The following LHFPL4 variants were observed in gnomAD, a reference collection of about 807,000 sequenced individuals.
LHFPL4 encodes LHFPL tetraspan subfamily member 4 protein.
A neutral mutation model predicts 20.0 loss-of-function variants in LHFPL4; 6 were observed. The ratio of observed to expected loss-of-function variants is 0.30; its 90% CI spans 0.16 to 0.59. The LOEUF (loss-of-function observed/expected upper bound fraction) is 0.59. Among genes scored for constraint, LHFPL4 ranks in the 20% least tolerant of loss-of-function variants. The pLI is 0.88. For synonymous variants in LHFPL4, 129 were observed against 143.8 expected (o/e 0.90, Z 0.74); for missense variants, 215 against 331.2 (o/e 0.65, Z 2.72).
chr3:9,520,256 C>T (rs187068076), intron 2 of LHFPL4, among the ~76,000 whole-genome samples: 12 of 152,102 alleles, frequency 7.9e-5, no homozygotes, highest in South Asian at 4.1e-4. Flanking sequence ...AGGAATTTGA[C>T]GCAAGACTGG....
chr3:9,505,945 C>T, intron 3 of LHFPL4, 22 bp downstream of exon 3: 1 of 1,608,052 alleles, frequency 6.2e-7, no homozygotes, highest in Non-Finnish European at 8.5e-7. Flanking sequence ...CGCCGCTGCC[C>T]CCCAGCCCAC....
intron 2 of LHFPL4, among the ~76,000 whole-genome samples, chr3:9,519,020 C>A (rs935915619): frequency 2.0e-5 from 3 of 152,030 alleles, no homozygotes; most frequent in Non-Finnish European, 4.4e-5. Context: ...TCACTACAAC[C>A]TCTGCCTCCT....
chr3:9,531,620 G>T (rs535370920), intron 2 of LHFPL4, among the ~76,000 whole-genome samples: 1 of 152,142 alleles, frequency 6.6e-6, no homozygotes, highest in African/African-American at 2.4e-5. Context: ...TGGCCAACGT[G>T]GTGAAACCCC....
Position 9,552,641 on chromosome 3 carries a change from C to G in LHFPL4, c.39G>C (p.Glu13Asp). 6.2e-7 allele frequency: 1 copy of G among 1,613,374 alleles called. No homozygotes were observed. Among genetic ancestry groups the G allele is most frequent in the Non-Finnish European group, 8.5e-7 (1 of 1,179,770 alleles). The change falls in exon 2 of 4, where the codon GAG becomes GAC. Residue 13 changes from glutamate to aspartate, a missense_variant. By Grantham distance (45) the Glu-to-Asp change is conservative. This residue lies in a region of LHFPL4 where 164 missense variants were observed against 286.7 expected (regional missense o/e 0.57). Coordinates refer to ENST00000287585, the MANE Select transcript of LHFPL4 (RefSeq NM_198560.3). ...TGGCCCGCGAGTTCCGCATGTAGTG[C>G]TCGTGGTAGAGCTTGGAGGCCTCCT... ...PSQEASKLYHEHYMRNSRAIG... is the reference protein window; with the variant it reads ...PSQEASKLYHDHYMRNSRAIG...
chr3:9,505,806 G>T (rs1231689512), intron 3 of LHFPL4, among the ~76,000 whole-genome samples, 161 bp downstream of exon 3: 1 of 152,136 alleles, frequency 6.6e-6, no homozygotes, highest in African/African-American at 2.4e-5. Flanking sequence ...CGATCTACCT[G>T]CCTTGGCTTC....
chr3:9,543,633 C>T (rs2125667014), intron 2 of LHFPL4, among the ~76,000 whole-genome samples: 1 of 152,092 alleles, frequency 6.6e-6, no homozygotes, highest in African/African-American at 2.4e-5. Context: ...ATCTAAGCTG[C>T]TCCCAAAGTA....
intron 2 of LHFPL4, among the ~76,000 whole-genome samples, chr3:9,521,578 C>G (rs546764616): frequency 6.6e-6 from 1 of 151,426 alleles, no homozygotes; most frequent in Admixed American, 6.6e-5. Flanking sequence ...TTTTTTTGTA[C>G]TTTTTTAGTA....
chr3:9,516,380 A>G (rs1291588105), intron 2 of LHFPL4, among the ~76,000 whole-genome samples: 1 of 152,050 alleles, frequency 6.6e-6, no homozygotes, highest in Non-Finnish European at 1.5e-5. Flanking sequence ...TTTGTCAAAG[A>G]TCAACTGACT....
chr3:9,547,238 C>T (rs1056327734), intron 2 of LHFPL4, among the ~76,000 whole-genome samples: 5 of 152,216 alleles, frequency 3.3e-5, no homozygotes, highest in African/African-American at 4.8e-5. Flanking sequence ...ACCCTTCTGC[C>T]TCAGCCTTCG....
intron 2 of LHFPL4, among the ~76,000 whole-genome samples, chr3:9,543,701 T>G (rs908705115): frequency 1.3e-4 from 19 of 148,682 alleles, no homozygotes; most frequent in Non-Finnish European, 2.5e-4. Context: ...GACTACGTTT[T>G]GGGGTGATTT....
At chr3:9,525,995 T>C (rs963697639) in intron 2 of LHFPL4, among the ~76,000 whole-genome samples, 4 of 152,032 alleles carry the variant, frequency 2.6e-5, no homozygotes, top group African/African-American at 9.7e-5. Flanking sequence ...CCTTTAGTTT[T>C]AAAAAAAGTA....
At chr3:9,547,953 A>G (rs933274465) in intron 2 of LHFPL4, among the ~76,000 whole-genome samples, 17 of 152,148 alleles carry the variant, frequency 1.1e-4, no homozygotes, top group African/African-American at 4.1e-4. Context: ...CTACAGGCAC[A>G]TGCCATCACA....
chr3:9,544,845 G>A (rs2046501664), intron 2 of LHFPL4, among the ~76,000 whole-genome samples: 1 of 152,000 alleles, frequency 6.6e-6, no homozygotes, highest in South Asian at 2.1e-4. Context: ...CAGCTCAAAT[G>A]TTACCCTTTT....
At chr3:9,546,697 T>C (rs1559524305) in intron 2 of LHFPL4, among the ~76,000 whole-genome samples, 1 of 152,200 alleles carries the variant, frequency 6.6e-6, no homozygotes, top group Non-Finnish European at 1.5e-5. Context: ...AGTTTATGCC[T>C]TCTTAAGCCC....
At chr3:9,510,362 G>A (rs895074067) in intron 2 of LHFPL4, among the ~76,000 whole-genome samples, 17 of 151,180 alleles carry the variant, frequency 1.1e-4, no homozygotes, top group South Asian at 2.1e-4. Flanking sequence ...CGCTTGAGCC[G>A]GAAGATCAAG....
intron 2 of LHFPL4, among the ~76,000 whole-genome samples, chr3:9,543,734 T>TTC (rs1278076281): frequency 6.9e-6 from 1 of 145,934 alleles, no homozygotes; most frequent in Non-Finnish European, 1.5e-5. Context: ...TTTTGGTTTT[T>TTC]TTTTTTTTTT....
Position 9,504,060 on chromosome 3 carries a change from G to A in LHFPL4, c.644-1749C>T, listed in dbSNP as rs185656644. Among the ~76,000 whole-genome samples, 170 of 152,022 alleles carry A rather than the reference G, an allele frequency of 1.1e-3. 2 individuals carry two copies. The highest frequency in any genetic ancestry group is 1.1e-3 in the Non-Finnish European group (74 of 67,988). On this transcript the variant is annotated intron_variant, in intron 3 of 3. Transcript: ENST00000287585. ...TAAAAAAATACAATAATCAACACTG[G>A]TGAGCTCACCATTCAATAACTATAA...
At position 9,545,627 on chromosome 3, in the gene LHFPL4, AATTGTTT is replaced by A. The variant is rs370031827; in HGVS notation, c.406+6640_406+6646del. ...CTAAAAAATACAAAAATTAGCTAGA[AATTGTTT>A]GAACCCAGGAGGTGGAGGTTGCAGT... is the stretch of plus-strand genomic sequence containing the variant. On this transcript the variant is annotated intron_variant, in intron 2 of 3. Transcript: ENST00000287585. Among the ~76,000 whole-genome samples, 61 of 152,214 alleles carry A rather than the reference AATTGTTT, an allele frequency of 4.0e-4. No individual in the cohort carries two copies. In the East Asian group the frequency reaches 0.011, roughly 27 times the overall value.
intron 2 of LHFPL4, among the ~76,000 whole-genome samples, chr3:9,540,118 A>G (rs2046468267): frequency 6.6e-6 from 1 of 152,200 alleles, no homozygotes; most frequent in South Asian, 2.1e-4. Flanking sequence ...TTATACTTAC[A>G]TATGTATTAG....
Sources: gnomAD v4.1 joint callset for allele counts (sites outside exome capture counted in the v4.1 genomes callset) on GRCh38, gnomAD v4.1.1 for gene constraint, gnomAD v4.1.1 regional missense constraint, MANE v1.5 for transcripts, NCBI Gene and HGNC (gene_info 2026-07-23, HGNC 2026-07-21) for gene names.